Variants in ARHGEF10L observed in about 807,000 individuals in gnomAD.
ARHGEF10L encodes the protein rho guanine nucleotide exchange factor 10-like protein.
In ARHGEF10L, 69 loss-of-function variants were observed where a neutral mutation model predicts 141.2. The observed-to-expected ratio is 0.49, with a 90% CI of 0.40 to 0.60. The LOEUF (loss-of-function observed/expected upper bound fraction) is 0.60. Among genes scored for constraint, ARHGEF10L ranks in the 20% least tolerant of loss-of-function variants. The pLI is 0.00. For synonymous variants in ARHGEF10L, 711 were observed against 718.5 expected (o/e 0.99, Z 0.17); for missense variants, 1,482 against 1,734.3 (o/e 0.85, Z 2.58).
At position 17,695,961 on chromosome 1, in the gene ARHGEF10L, C is replaced by T. The variant is rs184206513; in HGVS notation, c.3307+681C>T. 4.2e-3 allele frequency among the ~76,000 whole-genome samples: 634 copies of T among 152,204 alleles called. 9 individuals are homozygous for T. The East Asian group carries it at 0.043, about 10-fold the overall frequency. On this transcript the variant is annotated intron_variant, in intron 28 of 28. Transcript: ENST00000361221. Reference sequence around the variant, plus strand: ...CCTGTAATCCTAGCACTTTGGGAGGCCGAGGTGGGTGGATTGCCTGAGCTC... The same window carrying T: ...CCTGTAATCCTAGCACTTTGGGAGGTCGAGGTGGGTGGATTGCCTGAGCTC...
chr1:17,532,860 G>A, the ARHGEF10L span, among the ~76,000 whole-genome samples: 3 of 152,112 alleles, frequency 2.0e-5, no homozygotes, highest in Admixed American at 6.6e-5. Context: ...CTCCCAAAGT[G>A]TTGGGATTAC....
intron 1 of ARHGEF10L, among the ~76,000 whole-genome samples, chr1:17,577,673 C>A (rs1458572587): frequency 6.6e-6 from 1 of 152,206 alleles, no homozygotes; most frequent in Non-Finnish European, 1.5e-5. Flanking sequence ...AAACACCTTC[C>A]AGATTCCAGC....
chr1:17,617,194 AT>A (rs2059855878), intron 9 of ARHGEF10L, among the ~76,000 whole-genome samples: 1 of 152,250 alleles, frequency 6.6e-6, no homozygotes, highest in Non-Finnish European at 1.5e-5. Context: ...AGGATGCTGC[AT>A]AAACCCCATT....
At chr1:17,533,358 T>TG in the ARHGEF10L span, among the ~76,000 whole-genome samples, 1 of 152,202 alleles carries the variant, frequency 6.6e-6, no homozygotes, top group Non-Finnish European at 1.5e-5. Flanking sequence ...TTTGTACAGA[T>TG]GGGGTCTTGC....
the ARHGEF10L span, among the ~76,000 whole-genome samples, chr1:17,521,651 C>A: frequency 2.0e-5 from 3 of 152,152 alleles, no homozygotes; most frequent in Admixed American, 1.3e-4. Context: ...TATTTTACAG[C>A]GGAGGAAACA....
rs2063477439 is a variant in ARHGEF10L, at chr1:17,673,818, G to C, written c.3009+9223G>C. ...ATAGAACCTGCCCCAGGACTAAGCAGCTCCGTGTACATGCAGGTCCCAGGG... is the reference window on the plus strand; with the variant it reads ...ATAGAACCTGCCCCAGGACTAAGCACCTCCGTGTACATGCAGGTCCCAGGG... On this transcript the variant is annotated intron_variant, in intron 26 of 28. Coordinates refer to ENST00000361221, the MANE Select transcript of ARHGEF10L (RefSeq NM_018125.4). This position sits in a 1 kb window ranked among gnomAD's most constrained non-coding sequence, Gnocchi z 4.1. Among the ~76,000 whole-genome samples, 1 of 152,196 alleles carries C rather than the reference G, an allele frequency of 6.6e-6. No individual in the cohort carries two copies. Among genetic ancestry groups the C allele is most frequent in the Non-Finnish European group, 1.5e-5 (1 of 68,048 alleles).
chr1:17,606,535 C>T (rs921242945), intron 6 of ARHGEF10L, among the ~76,000 whole-genome samples: 1 of 151,702 alleles, frequency 6.6e-6, no homozygotes, highest in Admixed American at 6.6e-5. Flanking sequence ...CTCAGGCGAT[C>T]CACCCATCTC....
intron 21 of ARHGEF10L, among the ~76,000 whole-genome samples, chr1:17,643,967 T>C (rs2061456227): frequency 6.6e-6 from 1 of 151,988 alleles, no homozygotes; most frequent in Non-Finnish European, 1.5e-5. Flanking sequence ...AGAGGTGAGG[T>C]AGGGGGCTCC....
intron 21 of ARHGEF10L, 132 bp downstream of exon 21, chr1:17,640,434 G>T: frequency 1.4e-6 from 1 of 723,456 alleles, no homozygotes; most frequent in Non-Finnish European, 2.2e-6. Context: ...GGAGGGAGGT[G>T]GTGCGGTGGA....
chr1:17,582,564 G>A (rs1362838571), intron 2 of ARHGEF10L, among the ~76,000 whole-genome samples: 1 of 152,208 alleles, frequency 6.6e-6, no homozygotes, highest in Non-Finnish European at 1.5e-5. Flanking sequence ...CACCCCCGGG[G>A]CACTTGGTGT....
the ARHGEF10L span, among the ~76,000 whole-genome samples, chr1:17,520,341 T>C: frequency 6.6e-6 from 1 of 152,202 alleles, no homozygotes; most frequent in African/African-American, 2.4e-5. Context: ...GTACTCACCC[T>C]CTGGGCTCCT....
In ARHGEF10L at chr1:17,619,194, G is replaced by T; in HGVS notation, c.836-145G>T. 1.5e-6 allele frequency: 1 copy of T among 681,116 alleles called. No homozygotes were observed. Among genetic ancestry groups the T allele is most frequent in the South Asian group, 1.8e-5 (1 of 56,892 alleles). 42.2% of individuals were successfully genotyped at this position (681,116 alleles called of 1,614,324 possible). A position where few individuals can be genotyped will look rare whatever the true frequency, so the allele number is the denominator to read the frequency against. ...ACTCCTGAGAAGGAGCTACCGGGCG[G>T]CTCTAACCCCACGGGGCCCCAGGAG... On this transcript the variant is annotated intron_variant, in intron 9 of 28. Coordinates refer to ENST00000361221, the MANE Select transcript of ARHGEF10L (RefSeq NM_018125.4). This position sits in a 1 kb window ranked among gnomAD's most constrained non-coding sequence, Gnocchi z 5.0.
Position 17,623,263 on chromosome 1 carries a change from T to C in ARHGEF10L, c.1200+88T>C. The C allele has an allele frequency of 6.8e-7, 1 of 1,464,038 alleles. No individual in the cohort carries two copies. Among genetic ancestry groups the C allele is most frequent in the Middle Eastern group, 1.8e-4 (1 of 5,526 alleles). The allele number at this position is 1,464,038 out of a possible 1,614,324, so 90.7% of individuals were successfully genotyped here. A position where few individuals can be genotyped will look rare whatever the true frequency, so the allele number is the denominator to read the frequency against. ...GGGCCATGCAGTCCAGCCTCCTGCC[T>C]CTGCCTGCTTGCCTTGTTCAAGTCA... On this transcript the variant is annotated intron_variant, in intron 12 of 28. Coordinates refer to ENST00000361221, the MANE Select transcript of ARHGEF10L (RefSeq NM_018125.4). The surrounding 1 kb of genome is among the most constrained non-coding windows in gnomAD (Gnocchi z 4.7).
At chr1:17,600,278 C>T (rs1162733669) in intron 4 of ARHGEF10L, among the ~76,000 whole-genome samples, 2 of 152,234 alleles carry the variant, frequency 1.3e-5, no homozygotes, top group African/African-American at 4.8e-5. Context: ...CTGTCCTACT[C>T]TTCATCTGCT....
chr1:17,527,397 C>T, the ARHGEF10L span, among the ~76,000 whole-genome samples: 140,472 of 152,238 alleles, frequency 0.92, 65,290 homozygotes, highest in Non-Finnish European at 0.97. Context: ...TGAGACAGCA[C>T]CCAGGGAATG....
the ARHGEF10L span, among the ~76,000 whole-genome samples, chr1:17,519,030 C>A: frequency 5.3e-5 from 8 of 151,346 alleles, no homozygotes; most frequent in Admixed American, 4.0e-4. Flanking sequence ...ACAAAATTAG[C>A]TGGGTCGGGT....
intron 1 of ARHGEF10L, among the ~76,000 whole-genome samples, chr1:17,549,221 C>A (rs1350400724): frequency 6.6e-6 from 1 of 151,668 alleles, no homozygotes; most frequent in Non-Finnish European, 1.5e-5. Flanking sequence ...TGGGGTTTCA[C>A]TATGTTGGCC....
intron 25 of ARHGEF10L, among the ~76,000 whole-genome samples, chr1:17,661,562 T>A (rs1162114072): frequency 1.3e-5 from 2 of 152,218 alleles, no homozygotes. Context: ...CGAGGCTCTG[T>A]TCCAGGGGAG....
In ARHGEF10L at chr1:17,619,504, C is replaced by T; in HGVS notation, c.942+59C>T. Reference sequence around the variant, plus strand: ...AGGGGAAGGGGTGGCTTGGGGGTTCCAGCCTGTTCTCTGGGGCCACGCTTG... The same window carrying T: ...AGGGGAAGGGGTGGCTTGGGGGTTCTAGCCTGTTCTCTGGGGCCACGCTTG... On this transcript the variant is annotated intron_variant, in intron 10 of 28. Coordinates refer to ENST00000361221, the MANE Select transcript of ARHGEF10L (RefSeq NM_018125.4). This position sits in a 1 kb window ranked among gnomAD's most constrained non-coding sequence, Gnocchi z 5.0. 1 of 1,365,424 alleles carries T rather than the reference C, an allele frequency of 7.3e-7. No individual in the cohort carries two copies. The highest frequency in any genetic ancestry group is 1.0e-6 in the Non-Finnish European group (1 of 997,694). 84.6% of individuals were successfully genotyped at this position (1,365,424 alleles called of 1,614,324 possible).
Sources: allele counts gnomAD v4.1 joint callset (sites outside exome capture counted in the v4.1 genomes callset), GRCh38; gene constraint gnomAD v4.1.1; non-coding constraint Gnocchi (gnomAD v3.1); transcripts MANE v1.5; gene names NCBI Gene and HGNC (gene_info 2026-07-23, HGNC 2026-07-21).